NMT2: variants seen among roughly 807,000 people sequenced by gnomAD.
NMT2 encodes the protein N-myristoyltransferase 2, also known as glycylpeptide N-tetradecanoyltransferase 2.
In NMT2, 35 loss-of-function variants were observed where a neutral mutation model predicts 65.4. The observed-to-expected ratio is 0.54, with a 90% CI of 0.41 to 0.71. The LOEUF is 0.71. NMT2 is among the 30% of genes least tolerant of loss of function. NMT2 has a pLI of 0.00. For missense variants in NMT2, 489 were observed against 611.3 expected, an observed-to-expected ratio of 0.80 and a Z score of 2.11; for synonymous variants, 226 against 231.8, an observed-to-expected ratio of 0.98 and a Z score of 0.23.
chr10:15,135,478 C>T, intron 2 of NMT2, 60 bp from the exon 3 acceptor site: 1 of 1,570,958 alleles, frequency 6.4e-7, no homozygotes, highest in Non-Finnish European at 8.7e-7. Flanking sequence ...TAAACTTGAG[C>T]AGACGCACGT....
intron 1 of NMT2, among the ~76,000 whole-genome samples, chr10:15,162,297 A>T (rs1833227312): frequency 6.6e-6 from 1 of 152,040 alleles, no homozygotes; most frequent in Non-Finnish European, 1.5e-5. Context: ...CACAGAAGAA[A>T]AAAAGAATGA....
chr10:15,112,222 T>A (rs1398876524), intron 10 of NMT2, among the ~76,000 whole-genome samples: 336 of 22,246 alleles, frequency 0.015, no homozygotes, highest in South Asian at 0.019. Context: ...ATATATTTTT[T>A]TTTTTTTTTT....
At chr10:15,126,146 C>T (rs1046916584) in intron 8 of NMT2, among the ~76,000 whole-genome samples, 9 of 151,270 alleles carry the variant, frequency 5.9e-5, no homozygotes, top group East Asian at 2.0e-4. Context: ...ATGGCAATGG[C>T]GGCTGGGCGC....
intron 1 of NMT2, among the ~76,000 whole-genome samples, chr10:15,166,971 G>A (rs1833397816): frequency 6.6e-6 from 1 of 152,158 alleles, no homozygotes; most frequent in Admixed American, 6.5e-5. Context: ...AATTACAGCA[G>A]AGAAGATAAA....
At chr10:15,130,069 T>C (rs1306245750) in intron 7 of NMT2, 73 bp downstream of exon 7, 22 of 1,176,110 alleles carry the variant, frequency 1.9e-5, no homozygotes, top group Non-Finnish European at 2.2e-6. Context: ...AAAAACTACA[T>C]CTAGCAGAAC....
At chr10:15,118,987 TAAG>T (rs1366858374) in intron 9 of NMT2, among the ~76,000 whole-genome samples, 1 of 152,152 alleles carries the variant, frequency 6.6e-6, no homozygotes, top group African/African-American at 2.4e-5. Flanking sequence ...TTCATAACAC[TAAG>T]AAGTTGTTTG....
intron 1 of NMT2, among the ~76,000 whole-genome samples, chr10:15,167,969 C>T (rs1055884893): frequency 3.3e-5 from 5 of 152,178 alleles, no homozygotes; most frequent in African/African-American, 1.2e-4. Context: ...CGCAGTTCGC[C>T]GCCTGCGGCC....
chr10:15,152,927 T>C (rs1277752841), intron 1 of NMT2, among the ~76,000 whole-genome samples: 4 of 152,238 alleles, frequency 2.6e-5, no homozygotes, highest in South Asian at 4.1e-4. Context: ...CCCTGTGTAC[T>C]AGCACAAAAG....
intron 1 of NMT2, among the ~76,000 whole-genome samples, chr10:15,147,568 A>G (rs1235760273): frequency 6.6e-6 from 1 of 152,220 alleles, no homozygotes; most frequent in African/African-American, 2.4e-5. Context: ...TTTTTAATAC[A>G]TAGCATGAGA....
In NMT2 at chr10:15,160,507, G is replaced by C. The variant is rs149694130; in HGVS notation, c.110+7996C>G. The stretch of plus-strand genomic sequence containing the variant: ...TAAAGGAAAGGTGCCAGGTGCAGTG[G>C]CTCACACCTGTAATCCCAGCACTTT... On this transcript the variant is annotated intron_variant, in intron 1 of 11. Coordinates refer to ENST00000378165, the MANE Select transcript of NMT2 (RefSeq NM_004808.3). Among the ~76,000 whole-genome samples the C allele has an allele frequency of 5.5e-3, 830 of 152,286 alleles. 7 individuals are homozygous for C. The highest frequency in any genetic ancestry group is 0.017 in the Middle Eastern group (5 of 294).
At chr10:15,155,846 T>C (rs1432300646) in intron 1 of NMT2, among the ~76,000 whole-genome samples, 3 of 152,096 alleles carry the variant, frequency 2.0e-5, no homozygotes, top group South Asian at 4.1e-4. Flanking sequence ...TAAGGGTCAC[T>C]TGACCACAAG....
intron 2 of NMT2, among the ~76,000 whole-genome samples, chr10:15,139,498 C>T (rs144532948): frequency 8.7e-4 from 133 of 152,146 alleles, no homozygotes; most frequent in African/African-American, 3.1e-3. Flanking sequence ...GAGATGTCCA[C>T]GCTGCAGGTC....
intron 1 of NMT2, 166 bp downstream of exon 1, chr10:15,168,337 G>C: frequency 2.9e-6 from 1 of 348,738 alleles, no homozygotes; most frequent in Admixed American, 4.6e-5. Context: ...ACTCTCCCGC[G>C]AGCCGCGCGC....
intron 1 of NMT2, among the ~76,000 whole-genome samples, chr10:15,143,498 G>A (rs189905446): frequency 7.9e-5 from 12 of 152,342 alleles, no homozygotes; most frequent in South Asian, 2.1e-4. Context: ...CAGTGACTGG[G>A]AAGGACGCTT....
intron 2 of NMT2, 45 bp downstream of exon 2, chr10:15,141,377 T>C (rs564217261): frequency 3.7e-6 from 6 of 1,610,676 alleles, no homozygotes; most frequent in Non-Finnish European, 5.1e-6. Flanking sequence ...AACCCACTCA[T>C]GCACGAGAAA....
At chr10:15,151,108 G>T (rs1214829014) in intron 1 of NMT2, among the ~76,000 whole-genome samples, 1 of 149,458 alleles carries the variant, frequency 6.7e-6, no homozygotes, top group East Asian at 1.9e-4. Flanking sequence ...GCCCAGGCTG[G>T]AGTGCAATGG....
chr10:15,128,471 A>G lies in NMT2; in HGVS notation c.891-13T>C. The G allele has an allele frequency of 6.9e-7, 1 of 1,454,052 alleles. No homozygotes were observed. Among genetic ancestry groups the G allele is most frequent in the Non-Finnish European group, 9.6e-7 (1 of 1,043,016 alleles). The allele number at this position is 1,454,052 out of a possible 1,614,324, so 90.1% of individuals were successfully genotyped here. ...TCGATGCCAGTATCTGGAATACAAT[A>G]AAGGTTTTAAAATCAAATTGATTTC... is the stretch of plus-strand genomic sequence containing the variant. On this transcript the variant is annotated splice_polypyrimidine_tract_variant and intron_variant, in intron 7 of 11. Transcript: ENST00000378165.
intron 1 of NMT2, among the ~76,000 whole-genome samples, chr10:15,147,409 G>A (rs1166449407): frequency 1.3e-5 from 2 of 151,932 alleles, no homozygotes; most frequent in African/African-American, 4.8e-5. Flanking sequence ...CAATACCTTT[G>A]TAAGGAAAAC....
At chr10:15,136,979 C>T (rs973628499) in intron 2 of NMT2, among the ~76,000 whole-genome samples, 1 of 152,026 alleles carries the variant, frequency 6.6e-6, no homozygotes, top group Non-Finnish European at 1.5e-5. Flanking sequence ...ACTTTGATAC[C>T]ATGCAAAGAA....
Sources: gnomAD v4.1 joint callset for allele counts (sites outside exome capture counted in the v4.1 genomes callset) on GRCh38, gnomAD v4.1.1 for gene constraint, MANE v1.5 for transcripts, NCBI Gene and HGNC (gene_info 2026-07-23, HGNC 2026-07-21) for gene names.